The following NECTIN3 variants were observed in gnomAD, a reference collection of about 807,000 sequenced individuals.
NECTIN3 encodes nectin-3.
In NECTIN3, 8 loss-of-function variants were observed where a neutral mutation model predicts 49.4. That is an observed-to-expected ratio of 0.16 (90% confidence interval 0.10 to 0.29). The LOEUF (loss-of-function observed/expected upper bound fraction) is 0.29. Ranked by LOEUF, NECTIN3 falls within the 10% of genes least tolerant of loss-of-function variation. NECTIN3 has a pLI of 1.00. For missense variants in NECTIN3, 581 were observed against 654.6 expected (o/e 0.89, Z 1.23); for synonymous variants, 277 against 241.1 (o/e 1.15, Z -1.38).
At chr3:111,116,772 T>TATTAA (rs1279745297) in intron 2 of NECTIN3, among the ~76,000 whole-genome samples, 4 of 152,072 alleles carry the variant, frequency 2.6e-5, no homozygotes, top group Non-Finnish European at 5.9e-5. Flanking sequence ...TAATCTGAGA[T>TATTAA]ATTAAAAATA....
intron 6 of NECTIN3, among the ~76,000 whole-genome samples, chr3:111,145,966 C>G (rs2034863908): frequency 6.6e-6 from 1 of 152,162 alleles, no homozygotes; most frequent in East Asian, 1.9e-4. Flanking sequence ...TGACCATGAA[C>G]AAGTACTTTA....
intron 1 of NECTIN3, among the ~76,000 whole-genome samples, chr3:111,090,189 A>G (rs1187919332): frequency 6.6e-6 from 1 of 152,110 alleles, no homozygotes; most frequent in Non-Finnish European, 1.5e-5. Context: ...TCAGTCTACT[A>G]GGGTTTGTCT....
intron 5 of NECTIN3, among the ~76,000 whole-genome samples, chr3:111,130,626 TCAGAA>T (rs1212970744): frequency 1.3e-5 from 2 of 152,134 alleles, no homozygotes; most frequent in Non-Finnish European, 2.9e-5. Flanking sequence ...AAAGTTCTGC[TCAGAA>T]CAGAATAAGC....
At chr3:111,173,973 C>T (rs2035479541) in intron 7 of NECTIN3, among the ~76,000 whole-genome samples, 1 of 152,148 alleles carries the variant, frequency 6.6e-6, no homozygotes, top group Admixed American at 6.5e-5. Flanking sequence ...TTATCGTCAT[C>T]ATCCAGATTA....
intron 1 of NECTIN3, among the ~76,000 whole-genome samples, chr3:111,095,918 C>G (rs2107406196): frequency 6.6e-6 from 1 of 152,282 alleles, no homozygotes; most frequent in South Asian, 2.1e-4. Flanking sequence ...TTATCAGCAC[C>G]ATGAAAATGG....
chr3:111,135,557 G>C lies in NECTIN3; in HGVS notation c.*1342G>C. 1 of 980,922 alleles carries C rather than the reference G, an allele frequency of 1.0e-6. No homozygotes were observed. Among genetic ancestry groups the C allele is most frequent in the Non-Finnish European group, 1.2e-6 (1 of 825,986 alleles). 60.8% of individuals were successfully genotyped at this position (980,922 alleles called of 1,614,324 possible). ...GTGACAACTATTTTGAAGCTGAAAG[G>C]ATAGTTTTTCTATTGCTAAGTCATT... On this transcript the variant is annotated 3_prime_UTR_variant, in exon 6 of 6. Transcript: ENST00000485303.
intron 1 of NECTIN3, among the ~76,000 whole-genome samples, chr3:111,108,382 A>G (rs1474898821): frequency 2.0e-5 from 3 of 152,038 alleles, no homozygotes; most frequent in Non-Finnish European, 4.4e-5. Context: ...TTAAAATACA[A>G]TTTTGAACCA....
At chr3:111,162,419 T>C (rs926224466) in intron 7 of NECTIN3, among the ~76,000 whole-genome samples, 16 of 152,182 alleles carry the variant, frequency 1.1e-4, no homozygotes, top group African/African-American at 3.9e-4. Flanking sequence ...CTGATGGTGT[T>C]ATAAGGGGCT....
intron 7 of NECTIN3, among the ~76,000 whole-genome samples, chr3:111,177,239 C>A (rs1367883423): frequency 6.6e-6 from 1 of 151,882 alleles, no homozygotes; most frequent in Non-Finnish European, 1.5e-5. Flanking sequence ...TTTATCTATA[C>A]CCTTACCTTT....
intron 7 of NECTIN3, among the ~76,000 whole-genome samples, chr3:111,152,751 A>G (rs778644350): frequency 6.6e-5 from 10 of 151,952 alleles, no homozygotes; most frequent in Non-Finnish European, 1.0e-4. Context: ...TTATGATTGG[A>G]GCTCAAATGT....
intron 1 of NECTIN3, 94 bp downstream of exon 1, chr3:111,072,271 C>T: frequency 6.9e-7 from 1 of 1,458,144 alleles, no homozygotes; most frequent in Non-Finnish European, 9.0e-7. Flanking sequence ...TCTGGAGCAG[C>T]GAGGCGGTTG....
chr3:111,168,719 C>A (rs2035371150), intron 7 of NECTIN3, among the ~76,000 whole-genome samples: 1 of 152,146 alleles, frequency 6.6e-6, no homozygotes, highest in Non-Finnish European at 1.5e-5. Context: ...GAAGCAGATT[C>A]TGGGCAAAGG....
chr3:111,110,282 T>C (rs1156723172), intron 1 of NECTIN3, among the ~76,000 whole-genome samples: 2 of 152,020 alleles, frequency 1.3e-5, no homozygotes, highest in East Asian at 3.8e-4. Context: ...TGCCTCTTTC[T>C]GTTTAGTGTT....
chr3:111,087,721 C>T (rs2032018207), intron 1 of NECTIN3, among the ~76,000 whole-genome samples: 1 of 150,922 alleles, frequency 6.6e-6, no homozygotes, highest in South Asian at 2.1e-4. Flanking sequence ...TATTTTGAGA[C>T]CGAGTCTTGT....
chr3:111,193,058 C>G (rs1449423100), intron 1 of NECTIN3: 2 of 712,582 alleles, frequency 2.8e-6, no homozygotes, highest in Non-Finnish European at 4.5e-6. Flanking sequence ...AGTTGTTGAA[C>G]TTTACCTTGC....
intron 7 of NECTIN3, among the ~76,000 whole-genome samples, chr3:111,169,443 A>G (rs1321477355): frequency 1.3e-5 from 2 of 150,212 alleles, no homozygotes; most frequent in Non-Finnish European, 2.9e-5. Context: ...TTAAATCAAA[A>G]TTTGACATCA....
At position 111,135,229 on chromosome 3, in the gene NECTIN3, A is replaced by G; in HGVS notation, c.*1014A>G. ...ATGTACAGAAAGAAAATTTTAGAGT[A>G]AACTTGGAACTTTGGATATAACTAG... is the stretch of plus-strand genomic sequence containing the variant. On this transcript the variant is annotated 3_prime_UTR_variant, in exon 6 of 6. Transcript: ENST00000485303. 1.0e-6 allele frequency: 1 copy of G among 972,116 alleles called. No homozygotes were observed. Among genetic ancestry groups the G allele is most frequent in the Non-Finnish European group, 1.2e-6 (1 of 818,062 alleles). 60.2% of individuals were successfully genotyped at this position (972,116 alleles called of 1,614,324 possible).
intron 7 of NECTIN3, among the ~76,000 whole-genome samples, chr3:111,163,265 A>T (rs563375626): frequency 1.5e-4 from 23 of 151,936 alleles, no homozygotes; most frequent in Non-Finnish European, 2.1e-4. Context: ...GTAGCTCAGG[A>T]CTCCTGAGGT....
intron 1 of NECTIN3, among the ~76,000 whole-genome samples, chr3:111,102,529 C>T (rs1240291497): frequency 2.0e-5 from 3 of 152,358 alleles, no homozygotes; most frequent in African/African-American, 4.8e-5. Context: ...CTTCACGCCT[C>T]CACTCAGGCA....
Sources: allele counts gnomAD v4.1 joint callset (sites outside exome capture counted in the v4.1 genomes callset), GRCh38; gene constraint gnomAD v4.1.1; transcripts MANE v1.5; gene names NCBI Gene and HGNC (gene_info 2026-07-23, HGNC 2026-07-21).